The following WDR27 variants were observed in gnomAD, a reference collection of about 807,000 sequenced individuals.
WDR27 encodes the protein WD repeat-containing protein 27.
Under a neutral mutation model 114.4 loss-of-function variants are expected in WDR27, and 100 were observed. That is an observed-to-expected ratio of 0.87 (90% confidence interval 0.74 to 1.03). The LOEUF (loss-of-function observed/expected upper bound fraction) is 1.03. Ranked by LOEUF, WDR27 falls within the 50% of genes least tolerant of loss-of-function variation. The pLI, the probability that WDR27 is intolerant of heterozygous loss-of-function variation, is 0.00. For synonymous variants in WDR27, 449 were observed against 423.1 expected (o/e 1.06, Z -0.75); for missense variants, 1,129 against 1,092.9 (o/e 1.03, Z -0.47).
intron 25 of WDR27, among the ~76,000 whole-genome samples, chr6:169,551,312 C>T (rs773415177): frequency 2.8e-4 from 42 of 152,260 alleles, no homozygotes; most frequent in African/African-American, 3.4e-4. Context: ...AGAGACCCCA[C>T]GCTCACCCTC....
intron 23 of WDR27, among the ~76,000 whole-genome samples, chr6:169,601,631 C>T (rs762837209): frequency 1.3e-5 from 2 of 152,184 alleles, no homozygotes; most frequent in Admixed American, 6.5e-5. Context: ...GCAAGGCCAC[C>T]CATGAGTATT....
chr6:169,657,237 C>T (rs1584955265), intron 13 of WDR27, among the ~76,000 whole-genome samples: 2 of 152,372 alleles, frequency 1.3e-5, no homozygotes, highest in East Asian at 1.9e-4. Context: ...CAGAACCACA[C>T]AGTCAGTGAG....
intron 24 of WDR27, among the ~76,000 whole-genome samples, chr6:169,580,031 G>A (rs749286884): frequency 2.0e-5 from 3 of 152,136 alleles, no homozygotes; most frequent in Non-Finnish European, 2.9e-5. Context: ...TTCACTCCCC[G>A]ATTTTCACAG....
the WDR27 span, among the ~76,000 whole-genome samples, chr6:169,438,805 T>C: frequency 6.6e-6 from 1 of 152,342 alleles, no homozygotes; most frequent in Non-Finnish European, 1.5e-5. Flanking sequence ...TATTTTAAGA[T>C]AAGTTCTTGT....
At chr6:169,536,962 A>G (rs751562823) in intron 25 of WDR27, among the ~76,000 whole-genome samples, 9 of 152,254 alleles carry the variant, frequency 5.9e-5, no homozygotes, top group Non-Finnish European at 1.2e-4. Flanking sequence ...TCATGGATCC[A>G]TAGACCACAA....
chr6:169,573,411 G>C (rs770570182), intron 24 of WDR27, among the ~76,000 whole-genome samples: 2 of 152,190 alleles, frequency 1.3e-5, no homozygotes, highest in Non-Finnish European at 2.9e-5. Flanking sequence ...GGTTTGAACT[G>C]TGCAAGTCCA....
intron 10 of WDR27, 59 bp downstream of exon 10, chr6:169,660,604 C>A: frequency 2.8e-6 from 4 of 1,414,980 alleles, no homozygotes; most frequent in Admixed American, 3.4e-5. Flanking sequence ...TTACACTACC[C>A]CACATACCAG....
chr6:169,463,451 A>G (rs959061101), intron 25 of WDR27, among the ~76,000 whole-genome samples: 1 of 152,220 alleles, frequency 6.6e-6, no homozygotes, highest in Non-Finnish European at 1.5e-5. Flanking sequence ...CGATGGTGAA[A>G]GACTAAAAGC....
chr6:169,465,710 T>C (rs1475201122), intron 25 of WDR27, among the ~76,000 whole-genome samples: 1 of 152,152 alleles, frequency 6.6e-6, no homozygotes, highest in Non-Finnish European at 1.5e-5. Flanking sequence ...TATTCAGTCT[T>C]AAAAATGAAG....
At chr6:169,455,663 C>A (rs567497292), downstream of WDR27, among the ~76,000 whole-genome samples, 1 of 152,332 alleles carries the variant, frequency 6.6e-6, no homozygotes, top group African/African-American at 2.4e-5. Flanking sequence ...AGTCCTTCAC[C>A]CCAGGCCAGA....
rs1042433481 is a variant in WDR27 at position 169,701,906 on chromosome 6, C to G, written c.-363G>C. On this transcript the variant is annotated 5_prime_UTR_variant, in exon 1 of 26. Coordinates refer to ENST00000448612, the MANE Select transcript of WDR27 (RefSeq NM_182552.5). ...CGCCGACTCCGCGCCGAGACCAGCC[C>G]GCTAGGGGAGGACTCACAGCACCCA... The G allele has an allele frequency of 6.6e-5, 23 of 345,866 alleles. No individual in the cohort carries two copies. The highest frequency in any genetic ancestry group is 1.3e-4 in the Non-Finnish European group (22 of 175,344). 21.4% of individuals were successfully genotyped at this position (345,866 alleles called of 1,614,324 possible). A position where few individuals can be genotyped will look rare whatever the true frequency, so the allele number is the denominator to read the frequency against.
chr6:169,658,701 T>C (rs1584966750), intron 12 of WDR27, among the ~76,000 whole-genome samples: 2 of 149,540 alleles, frequency 1.3e-5, no homozygotes, highest in African/African-American at 4.9e-5. Context: ...TTTTTTTTTT[T>C]GAGATGGAGT....
chr6:169,637,829 G>A (rs1007207803), intron 18 of WDR27, among the ~76,000 whole-genome samples: 12 of 151,054 alleles, frequency 7.9e-5, no homozygotes, highest in Admixed American at 2.6e-4. Context: ...GTAAGTGTGC[G>A]TATGTGTATG....
the WDR27 span, among the ~76,000 whole-genome samples, chr6:169,428,600 C>CG: frequency 0.023 from 99 of 4,386 alleles, no homozygotes; most frequent in Admixed American, 0.069. Context: ...GGGACGGTGG[C>CG]GGGGGGGAGG....
intron 25 of WDR27, among the ~76,000 whole-genome samples, chr6:169,465,181 C>G (rs1055631794): frequency 4.1e-5 from 6 of 148,072 alleles, no homozygotes; most frequent in Non-Finnish European, 3.0e-5. Flanking sequence ...TCACTTGAAC[C>G]TGGGAGGTGG....
intron 18 of WDR27, 135 bp downstream of exon 18, chr6:169,638,404 C>G (rs1244259749): frequency 5.1e-6 from 5 of 977,440 alleles, no homozygotes; most frequent in Non-Finnish European, 6.9e-6. Flanking sequence ...TAATCAGTAA[C>G]TTTTATTGCA....
At chr6:169,484,309 T>C (rs1370553378) in intron 25 of WDR27, among the ~76,000 whole-genome samples, 2 of 152,214 alleles carry the variant, frequency 1.3e-5, no homozygotes, top group Non-Finnish European at 2.9e-5. Context: ...CTTGATCTGA[T>C]AAACAACGTC....
intron 13 of WDR27, 28 bp downstream of exon 13, chr6:169,658,248 C>G: frequency 6.4e-7 from 1 of 1,568,316 alleles, no homozygotes; most frequent in Non-Finnish European, 8.7e-7. Context: ...GCCTTGTATT[C>G]TTAGATCTCA....
At chr6:169,665,613 C>T (rs1162713992) in intron 6 of WDR27, 57 bp from the exon 7 acceptor site, 33 of 1,505,788 alleles carry the variant, frequency 2.2e-5, no homozygotes, top group Admixed American at 1.7e-4. Flanking sequence ...CCAATTAACC[C>T]GAGAACTGTC....
Sources: allele counts gnomAD v4.1 joint callset (sites outside exome capture counted in the v4.1 genomes callset), GRCh38; gene constraint gnomAD v4.1.1; transcripts MANE v1.5; gene names NCBI Gene and HGNC (gene_info 2026-07-23, HGNC 2026-07-21).